Variants in OLFM4 observed in about 807,000 individuals in gnomAD.
OLFM4 encodes olfactomedin-4.
A neutral mutation model predicts 25.5 loss-of-function variants in OLFM4; 22 were observed. The ratio of observed to expected loss-of-function variants is 0.86; its 90% CI spans 0.62 to 1.23. The LOEUF is 1.23. OLFM4 is among the 50% of genes most tolerant of loss of function. The pLI, the probability that OLFM4 is intolerant of heterozygous loss-of-function variation, is 0.00. For missense variants in OLFM4, 594 were observed against 619.4 expected (o/e 0.96, Z 0.44); for synonymous variants, 255 against 237.7 (o/e 1.07, Z -0.67).
At position 53,028,942 on chromosome 13, in the gene OLFM4, T is replaced by C. The variant is rs35790097; in HGVS notation, c.106T>C (p.Ser36Pro). 0.04 allele frequency: 64,077 copies of C among 1,614,142 alleles called. 3,814 individuals carry two copies. Among genetic ancestry groups the C allele is most frequent in the African/African-American group, 0.28 (20,897 of 74,986 alleles). Residue 36 changes from serine to proline, a missense_variant, in exon 1 of 5, where the codon TCT becomes CCT. Coordinates refer to ENST00000219022, the MANE Select transcript of OLFM4 (RefSeq NM_006418.5). ...GPPIPSPGFS[S>P]FPGVDSSSSF... ...TCCAATTCCCAGCCCCGGCTTCAGCTCTTTCCCAGGTGTTGACTCCAGCTC... is the reference window on the plus strand; with the variant it reads ...TCCAATTCCCAGCCCCGGCTTCAGCCCTTTCCCAGGTGTTGACTCCAGCTC...
chr13:53,047,507 G>A (rs967185100), intron 4 of OLFM4, among the ~76,000 whole-genome samples: 4 of 152,102 alleles, frequency 2.6e-5, no homozygotes, highest in Non-Finnish European at 4.4e-5. Flanking sequence ...CACAGCCGGG[G>A]CCCTAAAAAT....
intron 2 of OLFM4, among the ~76,000 whole-genome samples, chr13:53,039,875 T>C (rs1954678632): frequency 6.6e-6 from 1 of 152,170 alleles, no homozygotes. Flanking sequence ...AAAATCCTTT[T>C]TGCCTGAAGC....
chr13:53,038,426 T>A (rs1181046350), intron 2 of OLFM4, among the ~76,000 whole-genome samples: 6 of 152,214 alleles, frequency 3.9e-5, no homozygotes, highest in Admixed American at 3.9e-4. Flanking sequence ...AACTACACAC[T>A]CAGGCTATAT....
chr13:53,051,841 C>T lies in OLFM4; in HGVS notation c.*1070C>T, dbSNP rs942541050. On this transcript the variant is annotated 3_prime_UTR_variant, in exon 5 of 5. Coordinates refer to ENST00000219022, the MANE Select transcript of OLFM4 (RefSeq NM_006418.5). ...GAAAATTTAATTTTTTTTTCTAGGACGAGCTATAGAAAAGCTATTGAGAGT... is the reference window on the plus strand; with the variant it reads ...GAAAATTTAATTTTTTTTTCTAGGATGAGCTATAGAAAAGCTATTGAGAGT... 5.3e-5 allele frequency: 8 copies of T among 151,862 alleles called. No individual in the cohort carries two copies. Among genetic ancestry groups the T allele is most frequent in the Admixed American group, 6.6e-5 (1 of 15,250 alleles). The allele number at this position is 151,862 out of a possible 1,614,324, so 9.4% of individuals were successfully genotyped here.
In OLFM4 at chr13:53,043,160, T is replaced by C. The variant is rs780024062; in HGVS notation, c.626T>C (p.Val209Ala). 4 of 1,613,332 alleles carry C rather than the reference T, an allele frequency of 2.5e-6. No individual in the cohort carries two copies. Among genetic ancestry groups the C allele is most frequent in the South Asian group, 1.1e-5 (1 of 91,022 alleles). ...EKLETLDKNN[V>A]LAIRREIVAL... ...CTTGAGACACTAGACAAAAACAATGTCCTTGCCATTCGCCGAGAAATCGTG... is the reference window on the plus strand; with the variant it reads ...CTTGAGACACTAGACAAAAACAATGCCCTTGCCATTCGCCGAGAAATCGTG... The change falls in exon 4 of 5, where the codon GTC becomes GCC. Residue 209 changes from valine (V) to alanine (A), a missense_variant. Val to Ala is a moderately conservative substitution (Grantham distance 64). Coordinates refer to ENST00000219022, the MANE Select transcript of OLFM4 (RefSeq NM_006418.5).
intron 1 of OLFM4, among the ~76,000 whole-genome samples, chr13:53,030,427 T>A (rs934017570): frequency 3.3e-5 from 5 of 152,038 alleles, no homozygotes; most frequent in Non-Finnish European, 7.4e-5. Context: ...CTCAGCCTCC[T>A]GAGTAGCTGG....
chr13:53,041,811 G>A (rs1954688094), intron 2 of OLFM4, 99 bp from the exon 3 acceptor site: 1 of 735,902 alleles, frequency 1.4e-6, no homozygotes, highest in African/African-American at 1.8e-5. Flanking sequence ...ACAATGATTG[G>A]CAAGAATCAA....
At position 53,034,366 on chromosome 13, in the gene OLFM4, G is replaced by A. The variant is rs750555521; in HGVS notation, c.223G>A (p.Gly75Ser). Residue 75 changes from glycine to serine, a missense_variant, in exon 2 of 5, where the codon GGC becomes AGC. By Grantham distance (56) the Gly-to-Ser change is moderately conservative. Coordinates refer to ENST00000219022, the MANE Select transcript of OLFM4 (RefSeq NM_006418.5). Reference protein sequence around the residue: ...SVSQLFSNFTGSVDDRGTCQC... With the variant: ...SVSQLFSNFTSSVDDRGTCQC... ...TTTGCAGTTGTTTTCCAATTTCACCGGCTCCGTGGATGACCGTGGGACCTG... is the reference window on the plus strand; with the variant it reads ...TTTGCAGTTGTTTTCCAATTTCACCAGCTCCGTGGATGACCGTGGGACCTG... 3.0e-5 allele frequency: 49 copies of A among 1,610,800 alleles called. No homozygotes were observed. The highest frequency in any genetic ancestry group is 4.0e-5 in the Non-Finnish European group (47 of 1,179,242).
At chr13:53,041,815 G>T in intron 2 of OLFM4, 95 bp from the exon 3 acceptor site, 1 of 765,662 alleles carries the variant, frequency 1.3e-6, no homozygotes. Context: ...TGATTGGCAA[G>T]AATCAAATAG....
At chr13:53,046,783 T>A (rs1442950930) in intron 4 of OLFM4, among the ~76,000 whole-genome samples, 1 of 152,240 alleles carries the variant, frequency 6.6e-6, no homozygotes, top group East Asian at 1.9e-4. Context: ...GTAACTATTT[T>A]GCAGAGTTGG....
chr13:53,048,827 C>T (rs1370227572), intron 4 of OLFM4, among the ~76,000 whole-genome samples: 1 of 152,168 alleles, frequency 6.6e-6, no homozygotes, highest in Non-Finnish European at 1.5e-5. Flanking sequence ...CTCAAATATA[C>T]TTGAAGTTGG....
intron 2 of OLFM4, among the ~76,000 whole-genome samples, chr13:53,040,625 T>C (rs966268921): frequency 3.3e-5 from 5 of 152,338 alleles, no homozygotes; most frequent in Admixed American, 2.0e-4. Flanking sequence ...TTTTTGGTTA[T>C]CATAACTGGA....
At chr13:53,045,348 T>A (rs528513703) in intron 4 of OLFM4, among the ~76,000 whole-genome samples, 2 of 152,310 alleles carry the variant, frequency 1.3e-5, no homozygotes, top group South Asian at 4.1e-4. Context: ...CCCACAACCT[T>A]GGCTGTACCT....
At chr13:53,029,159 T>C (rs1593475831) in intron 1 of OLFM4, 119 bp downstream of exon 1, 22 of 1,431,996 alleles carry the variant, frequency 1.5e-5, no homozygotes, top group Non-Finnish European at 2.1e-5. Flanking sequence ...TACGACTCAT[T>C]TTGTTAACTA....
chr13:53,038,577 A>G (rs1954671570), intron 2 of OLFM4, among the ~76,000 whole-genome samples: 1 of 152,248 alleles, frequency 6.6e-6, no homozygotes, highest in African/African-American at 2.4e-5. Context: ...TATGATATTT[A>G]TAATCTCATG....
chr13:53,045,682 C>A (rs1432003931), intron 4 of OLFM4, among the ~76,000 whole-genome samples: 1 of 152,176 alleles, frequency 6.6e-6, no homozygotes, highest in Non-Finnish European at 1.5e-5. Flanking sequence ...TCTGGGCCCC[C>A]TCCCTTATAG....
chr13:53,034,827 C>T (rs1432009286), intron 2 of OLFM4, among the ~76,000 whole-genome samples: 1 of 152,180 alleles, frequency 6.6e-6, no homozygotes, highest in East Asian at 1.9e-4. Context: ...GACGCTGCTT[C>T]TTCCTTTTGG....
intron 1 of OLFM4, among the ~76,000 whole-genome samples, chr13:53,032,899 C>T (rs1051519165): frequency 6.6e-6 from 1 of 152,186 alleles, no homozygotes; most frequent in Non-Finnish European, 1.5e-5. Flanking sequence ...GGACCCATTA[C>T]ACCACCTGCA....
At chr13:53,047,401 G>A (rs1019178999) in intron 4 of OLFM4, among the ~76,000 whole-genome samples, 1 of 152,062 alleles carries the variant, frequency 6.6e-6, no homozygotes, top group Admixed American at 6.6e-5. Context: ...GAGGAAGCCC[G>A]CCATAGCATT....
Sources: allele counts gnomAD v4.1 joint callset (sites outside exome capture counted in the v4.1 genomes callset), GRCh38; gene constraint gnomAD v4.1.1; transcripts MANE v1.5; gene names NCBI Gene and HGNC (gene_info 2026-07-23, HGNC 2026-07-21).